The following RAB5A variants were observed in gnomAD, a reference collection of about 807,000 sequenced individuals.
The protein encoded by RAB5A is ras-related protein Rab-5A.
A neutral mutation model predicts 25.7 loss-of-function variants in RAB5A; 8 were observed. The observed-to-expected ratio is 0.31, with a 90% CI of 0.18 to 0.56. The LOEUF (loss-of-function observed/expected upper bound fraction) is 0.56, where lower values mean the gene tolerates loss of function less well. Ranked by LOEUF, RAB5A falls within the 20% of genes least tolerant of loss-of-function variation. The pLI is 0.91. For synonymous variants in RAB5A, 98 were observed against 89.8 expected (o/e 1.09, Z -0.52); for missense variants, 192 against 259.7 (o/e 0.74, Z 1.79).
At chr3:19,979,254 C>T (rs1051126397) in intron 5 of RAB5A, among the ~76,000 whole-genome samples, 22 of 150,832 alleles carry the variant, frequency 1.5e-4, no homozygotes, top group Admixed American at 6.6e-4. Flanking sequence ...GGATTACAGG[C>T]GTGAGCCACT....
In RAB5A at chr3:19,950,816, C is replaced by A; in HGVS notation, c.-83C>A. 1 of 1,359,070 alleles carries A rather than the reference C, an allele frequency of 7.4e-7. No individual in the cohort carries two copies. The highest frequency in any genetic ancestry group is 9.9e-7 in the Non-Finnish European group (1 of 1,008,456). 84.2% of individuals were successfully genotyped at this position (1,359,070 alleles called of 1,614,324 possible). ...ATTGTTTCTTTACAGGTTTCTTTAC[C>A]TCCAGAAAGAAGAATATTGGCCCCT... On this transcript the variant is annotated 5_prime_UTR_variant, in exon 2 of 6. Transcript: ENST00000273047.
At chr3:19,968,042 T>C (rs1473324541) in intron 2 of RAB5A, among the ~76,000 whole-genome samples, 1 of 152,222 alleles carries the variant, frequency 6.6e-6, no homozygotes. Context: ...ATTTTCCCAG[T>C]GAACCAATTT....
intron 2 of RAB5A, among the ~76,000 whole-genome samples, chr3:19,964,689 C>G (rs1404488195): frequency 6.6e-6 from 1 of 152,160 alleles, no homozygotes; most frequent in African/African-American, 2.4e-5. Context: ...TCTTGGCTCA[C>G]TGCAACCTCT....
At chr3:19,957,495 A>C (rs1206728885) in intron 2 of RAB5A, among the ~76,000 whole-genome samples, 2 of 151,860 alleles carry the variant, frequency 1.3e-5, no homozygotes. Flanking sequence ...CTTACTAAAA[A>C]AAAAAAAAAA....
chr3:19,981,426 C>CAA (rs1193007760), intron 5 of RAB5A, among the ~76,000 whole-genome samples: 2 of 152,084 alleles, frequency 1.3e-5, no homozygotes, highest in African/African-American at 4.8e-5. Flanking sequence ...CAAGCCGGGC[C>CAA]AACATGTCGA....
chr3:19,969,724 T>C (rs1696717328), intron 2 of RAB5A, among the ~76,000 whole-genome samples: 1 of 152,228 alleles, frequency 6.6e-6, no homozygotes, highest in African/African-American at 2.4e-5. Context: ...CTTGAAGTTG[T>C]ATGGTTTCTC....
chr3:19,965,217 C>T (rs912295982), intron 2 of RAB5A, among the ~76,000 whole-genome samples: 7 of 152,180 alleles, frequency 4.6e-5, no homozygotes, highest in African/African-American at 9.6e-5. Context: ...CCACTGTGCC[C>T]GGCCCTAAGA....
At chr3:19,977,432 G>A (rs1266612598) in intron 4 of RAB5A, among the ~76,000 whole-genome samples, 2 of 152,188 alleles carry the variant, frequency 1.3e-5, no homozygotes, top group Non-Finnish European at 2.9e-5. Context: ...CTACTAGAAG[G>A]GCGGTTGTGG....
intron 2 of RAB5A, among the ~76,000 whole-genome samples, chr3:19,964,954 G>A (rs1295199489): frequency 5.9e-5 from 9 of 151,878 alleles, no homozygotes; most frequent in East Asian, 3.9e-4. Flanking sequence ...TATTTGAGAC[G>A]GAGTCTCGCT....
intron 2 of RAB5A, among the ~76,000 whole-genome samples, chr3:19,960,920 G>A (rs1696575830): frequency 6.6e-6 from 1 of 152,140 alleles, no homozygotes. Flanking sequence ...TACATGACTA[G>A]TCACTGCATA....
intron 5 of RAB5A, among the ~76,000 whole-genome samples, chr3:19,981,220 C>G (rs758492040): frequency 6.6e-6 from 1 of 152,134 alleles, no homozygotes; most frequent in Non-Finnish European, 1.5e-5. Flanking sequence ...GTTTGACTTA[C>G]GATTTTATAA....
At chr3:19,974,840 C>T (rs1295053306) in intron 2 of RAB5A, among the ~76,000 whole-genome samples, 1 of 152,188 alleles carries the variant, frequency 6.6e-6, no homozygotes, top group East Asian at 1.9e-4. Flanking sequence ...ATGGTGTCAG[C>T]AGTATAGATG....
At chr3:19,954,021 T>C (rs1696463335) in intron 2 of RAB5A, among the ~76,000 whole-genome samples, 2 of 147,362 alleles carry the variant, frequency 1.4e-5, no homozygotes, top group Admixed American at 6.7e-5. Context: ...CAACTGTTGG[T>C]TTATTTTTTT....
chr3:19,959,917 G>A (rs747168179), intron 2 of RAB5A, among the ~76,000 whole-genome samples: 15 of 152,046 alleles, frequency 9.9e-5, no homozygotes, highest in African/African-American at 1.9e-4. Context: ...GAGCCACCGC[G>A]CTAGGCTGTG....
intron 2 of RAB5A, 106 bp from the exon 3 acceptor site, chr3:19,975,495 C>T (rs756870845): frequency 2.8e-5 from 29 of 1,051,460 alleles, no homozygotes; most frequent in South Asian, 3.6e-5. Context: ...TACATACTTA[C>T]GGGGTACAGT....
Position 19,951,701 on chromosome 3 carries a change from G to GTTTT in RAB5A, c.163+655_163+658dup, listed in dbSNP as rs61250458. Among the ~76,000 whole-genome samples, 3 of 99,000 alleles carry GTTTT rather than the reference G, an allele frequency of 3.0e-5. 1 individual carries two copies. Among genetic ancestry groups the GTTTT allele is most frequent in the Non-Finnish European group, 6.0e-5 (3 of 50,056 alleles). The allele number at this position is 99,000 out of a possible 152,430, so 64.9% of individuals were successfully genotyped here. A position where few individuals can be genotyped will look rare whatever the true frequency, so the allele number is the denominator to read the frequency against. On this transcript the variant is annotated intron_variant, in intron 2 of 5. Transcript: ENST00000273047. ...GGGTGCATGCCACCATGCCAGGCAA[G>GTTTT]TTTTTTTTTTTTTTTTTTAAGAGTC...
At chr3:19,955,699 T>A (rs1696490318) in intron 2 of RAB5A, among the ~76,000 whole-genome samples, 1 of 151,794 alleles carries the variant, frequency 6.6e-6, no homozygotes, top group Non-Finnish European at 1.5e-5. Context: ...CGAGACCAGC[T>A]TGCCAATGTG....
intron 2 of RAB5A, among the ~76,000 whole-genome samples, chr3:19,956,877 C>G (rs1182680209): frequency 2.2e-4 from 33 of 151,030 alleles, no homozygotes. Context: ...GAGATGGTAG[C>G]TGTTACACCT....
In RAB5A at chr3:19,947,267, C is replaced by CGGCGGCGGT; in HGVS notation, c.-340_-339insTGGCGGCGG. On this transcript the variant is annotated 5_prime_UTR_variant, in exon 1 of 6. Transcript: ENST00000273047. ...GAAGAATTAGTCGGAACTCCAGCGC[C>CGGCGGCGGT]GGCGGCGGCGGCGGCGGCGGAGGAG... is the stretch of plus-strand genomic sequence containing the variant. The CGGCGGCGGT allele has an allele frequency of 1.8e-5, 1 of 56,718 alleles. No homozygotes were observed. Among genetic ancestry groups the CGGCGGCGGT allele is most frequent in the Non-Finnish European group, 2.9e-5 (1 of 34,534 alleles). 3.5% of individuals were successfully genotyped at this position (56,718 alleles called of 1,614,324 possible).
Sources: allele counts gnomAD v4.1 joint callset (sites outside exome capture counted in the v4.1 genomes callset), GRCh38; gene constraint gnomAD v4.1.1; transcripts MANE v1.5; gene names NCBI Gene and HGNC (gene_info 2026-07-23, HGNC 2026-07-21).